Variants in CSMD1 observed in about 807,000 individuals in gnomAD.
The protein encoded by CSMD1 is CUB and sushi domain-containing protein 1.
A neutral mutation model predicts 417.5 loss-of-function variants in CSMD1; 213 were observed. The observed-to-expected ratio is 0.51, with a 90% CI of 0.46 to 0.57. The LOEUF (loss-of-function observed/expected upper bound fraction) is 0.57, where lower values mean the gene tolerates loss of function less well. Ranked by LOEUF, CSMD1 falls within the 20% of genes least tolerant of loss-of-function variation. The pLI is 0.00. For synonymous variants in CSMD1, 2,862 were observed against 1,736.8 expected (o/e 1.65, Z -16.11); for missense variants, 6,923 against 4,529.7 (o/e 1.53, Z -15.17).
rs186352368 is a variant in CSMD1, at chr8:3,202,943, G to C, written c.4985-1218C>G. Reference sequence around the variant, plus strand: ...AAAAACTTTTTTCAGGAATTAGAGAGGGAGAGGACTTAATAATTTCTCTAC... The same window carrying C: ...AAAAACTTTTTTCAGGAATTAGAGACGGAGAGGACTTAATAATTTCTCTAC... On this transcript the variant is annotated intron_variant, in intron 31 of 69. Transcript: ENST00000635120. Among the ~76,000 whole-genome samples, 77 of 152,242 alleles carry C rather than the reference G, an allele frequency of 5.1e-4. 1 individual carries two copies. Among genetic ancestry groups the C allele is most frequent in the Admixed American group, 4.5e-3 (69 of 15,288 alleles).
chr8:4,942,459 C>T (rs914827071), intron 1 of CSMD1, among the ~76,000 whole-genome samples: 1 of 152,154 alleles, frequency 6.6e-6, no homozygotes, highest in African/African-American at 2.4e-5. Context: ...ATGACAAAGA[C>T]AGTTTTCACA....
chr8:4,365,231 T>C (rs1297456630), intron 3 of CSMD1, among the ~76,000 whole-genome samples: 1 of 152,208 alleles, frequency 6.6e-6, no homozygotes, highest in Non-Finnish European at 1.5e-5. Flanking sequence ...GTTTTGTTAA[T>C]GCTTAAGTAG....
rs1801442835 is a variant in CSMD1, at chr8:2,936,106, C to G, written c.*2479G>C. On this transcript the variant is annotated 3_prime_UTR_variant, in exon 70 of 70. Transcript: ENST00000635120. ...AGGAAGAAACTAGGCAGAATTCTCA[C>G]ACGAGAATTTCACTGATTTTTTTTT... is the stretch of plus-strand genomic sequence containing the variant. The G allele has an allele frequency of 6.6e-6, 1 of 152,144 alleles. No homozygotes were observed. Among genetic ancestry groups the G allele is most frequent in the Admixed American group, 6.6e-5 (1 of 15,266 alleles). 9.4% of individuals were successfully genotyped at this position (152,144 alleles called of 1,614,324 possible).
intron 5 of CSMD1, among the ~76,000 whole-genome samples, chr8:3,827,046 T>C (rs1010330557): frequency 2.9e-4 from 44 of 152,134 alleles, no homozygotes; most frequent in African/African-American, 1.0e-3. Flanking sequence ...CCTTTTGAAG[T>C]GTTGACATTA....
intron 1 of CSMD1, among the ~76,000 whole-genome samples, chr8:4,921,692 A>T (rs900397338): frequency 6.6e-6 from 1 of 152,166 alleles, no homozygotes; most frequent in Non-Finnish European, 1.5e-5. Flanking sequence ...GTCTCTGTGT[A>T]CAGGAATGTG....
At chr8:4,794,103 G>C (rs1227077353) in intron 1 of CSMD1, among the ~76,000 whole-genome samples, 1 of 152,166 alleles carries the variant, frequency 6.6e-6, no homozygotes, top group Non-Finnish European at 1.5e-5. Context: ...AGATAAGTCA[G>C]ATAAGTACTG....
chr8:4,600,978 T>C (rs958612474), intron 2 of CSMD1, among the ~76,000 whole-genome samples: 6 of 138,990 alleles, frequency 4.3e-5, no homozygotes, highest in Non-Finnish European at 7.7e-5. Context: ...TTTTTTGAGA[T>C]GAAGTTTTGC....
intron 5 of CSMD1, among the ~76,000 whole-genome samples, chr8:3,988,355 G>A (rs993072843): frequency 6.6e-6 from 1 of 152,182 alleles, no homozygotes; most frequent in African/African-American, 2.4e-5. Flanking sequence ...CTACTGCAAT[G>A]TTTTTCAGTT....
intron 52 of CSMD1, 65 bp from the exon 53 acceptor site, chr8:3,000,196 A>G: frequency 8.5e-7 from 1 of 1,182,882 alleles, no homozygotes; most frequent in South Asian, 1.9e-5. Flanking sequence ...GTACATTCAC[A>G]ACTTTTATTA....
chr8:4,207,305 C>T (rs994417446), intron 3 of CSMD1, among the ~76,000 whole-genome samples: 6 of 152,062 alleles, frequency 3.9e-5, no homozygotes, highest in African/African-American at 9.7e-5. Flanking sequence ...ACCATGTTAA[C>T]GTTAACTTTT....
At chr8:3,565,520 T>A (rs989570641) in intron 10 of CSMD1, among the ~76,000 whole-genome samples, 1 of 152,190 alleles carries the variant, frequency 6.6e-6, no homozygotes, top group East Asian at 1.9e-4. Context: ...CTTAAACCAA[T>A]ATATACAACA....
intron 18 of CSMD1, among the ~76,000 whole-genome samples, chr8:3,381,737 TTCAAA>T (rs1810641142): frequency 6.6e-6 from 1 of 152,112 alleles, no homozygotes; most frequent in Non-Finnish European, 1.5e-5. Context: ...GTAACATAAA[TTCAAA>T]TAATACCAAA....
At chr8:3,574,525 G>A (rs1176900455) in intron 10 of CSMD1, among the ~76,000 whole-genome samples, 3 of 152,194 alleles carry the variant, frequency 2.0e-5, no homozygotes, top group Admixed American at 2.0e-4. Context: ...GGCATTACAG[G>A]CTTGAGCGAC....
intron 3 of CSMD1, among the ~76,000 whole-genome samples, chr8:4,196,451 GA>G (rs1320530115): frequency 5.3e-5 from 8 of 152,104 alleles, no homozygotes; most frequent in African/African-American, 1.9e-4. Context: ...GCCTCTTAGG[GA>G]AAATCTGTCC....
At position 3,141,730 on chromosome 8, in the gene CSMD1, C is replaced by A. The variant is rs116883701; in HGVS notation, c.6241+735G>T. Among the ~76,000 whole-genome samples, 1,116 of 152,198 alleles carry A rather than the reference C, an allele frequency of 7.3e-3. 14 individuals carry two copies. The highest frequency in any genetic ancestry group is 0.057 in the East Asian group (296 of 5,148). On this transcript the variant is annotated intron_variant, in intron 41 of 69. Coordinates refer to ENST00000635120, the MANE Select transcript of CSMD1 (RefSeq NM_033225.6). ...ACAGCAAGAAAAACTCACTTCCGCC[C>A]CCTGTGATTCCATCTCCAACCTGAC...
At chr8:3,548,700 A>ACACACC (rs1161842585) in intron 10 of CSMD1, among the ~76,000 whole-genome samples, 2 of 142,342 alleles carry the variant, frequency 1.4e-5, no homozygotes, top group East Asian at 2.0e-4. Context: ...ACACACACAC[A>ACACACC]CCATGGTTTC....
chr8:4,213,724 G>A (rs982740558), intron 3 of CSMD1, among the ~76,000 whole-genome samples: 1 of 152,206 alleles, frequency 6.6e-6, no homozygotes, highest in Non-Finnish European at 1.5e-5. Flanking sequence ...GTGATTTCCT[G>A]AAAGGGTGGG....
At chr8:3,269,874 C>G (rs1453040809) in intron 26 of CSMD1, among the ~76,000 whole-genome samples, 1 of 152,200 alleles carries the variant, frequency 6.6e-6, no homozygotes, top group East Asian at 1.9e-4. Flanking sequence ...GTTTGGATAT[C>G]TCATGAGCCT....
intron 3 of CSMD1, among the ~76,000 whole-genome samples, chr8:4,377,863 A>T (rs1802854452): frequency 6.6e-6 from 1 of 152,202 alleles, no homozygotes; most frequent in South Asian, 2.1e-4. Flanking sequence ...TGTAACTGTG[A>T]TTACTGCCGA....
Sources: allele counts gnomAD v4.1 joint callset (sites outside exome capture counted in the v4.1 genomes callset), GRCh38; gene constraint gnomAD v4.1.1; transcripts MANE v1.5; gene names NCBI Gene and HGNC (gene_info 2026-07-23, HGNC 2026-07-21).